Variants in GAMT observed in about 807,000 individuals in gnomAD.
The protein encoded by GAMT is epididymis secretory protein Li 20.
GAMT carries 26 observed loss-of-function variants against 26.9 expected under a neutral mutation model. That is an observed-to-expected ratio of 0.97 (90% CI 0.71 to 1.34). GAMT has a LOEUF of 1.34. Ranked by LOEUF, GAMT falls within the 40% of genes most tolerant of loss-of-function variation. The pLI, the probability that GAMT is intolerant of heterozygous loss-of-function variation, is 0.00. For synonymous variants in GAMT, 169 were observed against 149.6 expected (o/e 1.13, Z -0.95); for missense variants, 412 against 345.0 (o/e 1.19, Z -1.54).
Position 1,399,997 on chromosome 19 carries a change from G to A in GAMT, c.182-59C>T. The A allele has an allele frequency of 1.3e-6, 2 of 1,560,184 alleles. No individual in the cohort carries two copies. Among genetic ancestry groups the A allele is most frequent in the South Asian group, 1.2e-5 (1 of 86,118 alleles). Reference sequence around the variant, plus strand: ...TGGGGCGGGCTTAGGAGGCTGCCTGGAGGAGGGGCACAGGGCAGGGCAGGG... The same window carrying A: ...TGGGGCGGGCTTAGGAGGCTGCCTGAAGGAGGGGCACAGGGCAGGGCAGGG... On this transcript the variant is annotated intron_variant, in intron 1 of 5. Transcript: ENST00000252288. This position sits in a 1 kb window ranked among gnomAD's most constrained non-coding sequence, Gnocchi z 6.2.
chr19:1,401,404 C>T lies in GAMT; in HGVS notation c.73G>A (p.Ala25Thr). Residue 25 changes from alanine (A) to threonine (T), a missense_variant, in exon 1 of 6, where the codon GCG becomes ACG. By Grantham distance (58) the Ala-to-Thr change is moderately conservative. Coordinates refer to ENST00000252288, the MANE Select transcript of GAMT (RefSeq NM_000156.6). Reference protein sequence around the residue: ...NCSPAWGAAPAAYDAADTHLR... With the variant: ...NCSPAWGAAPTAYDAADTHLR... Reference sequence around the variant, plus strand: ...TGCGTGTCCGCTGCGTCGTAGGCCGCGGGCGCCGCCCCCCACGCGGGGCTG... The same window carrying T: ...TGCGTGTCCGCTGCGTCGTAGGCCGTGGGCGCCGCCCCCCACGCGGGGCTG... The T allele has an allele frequency of 6.9e-7, 1 of 1,456,408 alleles. No individual in the cohort carries two copies. The highest frequency in any genetic ancestry group is 9.0e-7 in the Non-Finnish European group (1 of 1,107,168). The allele number at this position is 1,456,408 out of a possible 1,614,324, so 90.2% of individuals were successfully genotyped here. A position where few individuals can be genotyped will look rare whatever the true frequency, so the allele number is the denominator to read the frequency against.
chr19:1,397,740 C>T (rs772276087), intron 5 of GAMT: 39 of 1,406,044 alleles, frequency 2.8e-5, no homozygotes, highest in South Asian at 4.5e-5. Context: ...GAGCCACCCC[C>T]GGGCACCTAC....
Position 1,401,413 on chromosome 19 carries a change from C to T in GAMT, c.64G>A (p.Ala22Thr), listed in dbSNP as rs886054248. Residue 22 changes from alanine to threonine, a missense_variant, in exon 1 of 6, where the codon GCG (alanine) becomes ACG (threonine). Coordinates refer to ENST00000252288, the MANE Select transcript of GAMT (RefSeq NM_000156.6). ...PGENCSPAWG[A>T]APAAYDAADT... ...GCTGCGTCGTAGGCCGCGGGCGCCG[C>T]CCCCCACGCGGGGCTGCAGTTCTCG... The T allele has an allele frequency of 6.9e-6, 10 of 1,450,372 alleles. No homozygotes were observed. Among genetic ancestry groups the T allele is most frequent in the East Asian group, 3.0e-5 (1 of 33,408 alleles). 89.8% of individuals were successfully genotyped at this position (1,450,372 alleles called of 1,614,324 possible).
intron 5 of GAMT, 120 bp downstream of exon 5, chr19:1,398,796 G>A (rs375165823): frequency 4.5e-6 from 7 of 1,555,242 alleles, no homozygotes; most frequent in Admixed American, 3.9e-5. Context: ...GCACAGTCCA[G>A]CCCACCCAGG....
At chr19:1,397,752 C>T (rs2082609130) in intron 5 of GAMT, 5 of 1,396,022 alleles carry the variant, frequency 3.6e-6, no homozygotes, top group Non-Finnish European at 4.7e-6. Context: ...GGCACCTACT[C>T]CACAGTTCTC....
chr19:1,399,585 G>A lies in GAMT; in HGVS notation c.330C>T (p.Val110=), dbSNP rs1379445616. 6.2e-7 allele frequency: 1 copy of A among 1,612,306 alleles called. No individual in the cohort carries two copies. Residue 110 remains valine (V), a splice_region_variant and synonymous_variant, in exon 3 of 6, where the codon GTC becomes GTT. Transcript: ENST00000252288. This position sits in a 1 kb window ranked among gnomAD's most constrained non-coding sequence, Gnocchi z 6.2. ...CCTCCCACAGGCCTTTCAAGGGGAT[G>A]ACCTTGCAGAGGGGAAAAGAAAAAG... The part of the protein sequence containing the change: ...RDWAPRQTHK[V]IPLKGLWEDV...
At position 1,399,287 on chromosome 19, in the gene GAMT, G is replaced by C; in HGVS notation, c.392-92C>G. On this transcript the variant is annotated intron_variant, in intron 3 of 5. Coordinates refer to ENST00000252288, the MANE Select transcript of GAMT (RefSeq NM_000156.6). The surrounding 1 kb of genome is among the most constrained non-coding windows in gnomAD (Gnocchi z 6.2). Reference sequence around the variant, plus strand: ...TCATCCCCCAGCGGGTGGAGGTGCAGTGAGACGGGGCCGTGGGTAGAGGTG... The same window carrying C: ...TCATCCCCCAGCGGGTGGAGGTGCACTGAGACGGGGCCGTGGGTAGAGGTG... 1 of 1,410,706 alleles carries C rather than the reference G, an allele frequency of 7.1e-7. No homozygotes were observed. Among genetic ancestry groups the C allele is most frequent in the Non-Finnish European group, 1.0e-6 (1 of 997,464 alleles). 87.4% of individuals were successfully genotyped at this position (1,410,706 alleles called of 1,614,324 possible).
rs1161834292 is a variant in GAMT, at chr19:1,397,082, C to T, written c.*277G>A. On this transcript the variant is annotated 3_prime_UTR_variant, in exon 6 of 6. Coordinates refer to ENST00000252288, the MANE Select transcript of GAMT (RefSeq NM_000156.6). ...GGGAGCAGCCGCTGGAAGTAACAGT[C>T]GCACGCTCACTGCCGACTGGCCAAG... The T allele has an allele frequency of 6.4e-6, 3 of 470,056 alleles. No homozygotes were observed. The highest frequency in any genetic ancestry group is 1.2e-5 in the Non-Finnish European group (3 of 256,910). The allele number at this position is 470,056 out of a possible 1,614,324, so 29.1% of individuals were successfully genotyped here.
In GAMT at chr19:1,398,994, G is replaced by A. The variant is rs1555777026; in HGVS notation, c.492C>T (p.Gly164=). ...AGGTGAGGTTGCAGTAGGTGAGGACGCCCCCCGGCTTCAGCAGGCGAAAGG... is the reference window on the plus strand; with the variant it reads ...AGGTGAGGTTGCAGTAGGTGAGGACACCCCCCGGCTTCAGCAGGCGAAAGG... The part of the protein sequence containing the change: ...NHAFRLLKPG[G]VLTYCNLTSW... The change falls in exon 5 of 6, where the codon GGC becomes GGT. Residue 164 remains glycine (G), a synonymous_variant. Transcript: ENST00000252288. The A allele has an allele frequency of 8.1e-6, 13 of 1,613,314 alleles. No individual in the cohort carries two copies. The highest frequency in any genetic ancestry group is 4.0e-5 in the African/African-American group (3 of 74,914).
In GAMT at chr19:1,401,424, G is replaced by T; in HGVS notation, c.53C>A (p.Pro18His). 1 of 1,437,702 alleles carries T rather than the reference G, an allele frequency of 7.0e-7. No homozygotes were observed. The highest frequency in any genetic ancestry group is 3.0e-5 in the East Asian group (1 of 33,086). The allele number at this position is 1,437,702 out of a possible 1,614,324, so 89.1% of individuals were successfully genotyped here. The change falls in exon 1 of 6, where the codon CCC (proline) becomes CAC (histidine). Residue 18 changes from proline to histidine, a missense_variant. Coordinates refer to ENST00000252288, the MANE Select transcript of GAMT (RefSeq NM_000156.6). The part of the protein sequence containing the change: ...PIFAPGENCS[P>H]AWGAAPAAYD... ...GGCCGCGGGCGCCGCCCCCCACGCG[G>T]GGCTGCAGTTCTCGCCGGGCGCGAA...
chr19:1,399,202 G>A lies in GAMT; in HGVS notation c.392-7C>T, dbSNP rs192416474. ...TACGTGTCGTACAGGATCCCTGCAC[G>A]GAGAACAGAAGCCCACGCGGTCAGG... On this transcript the variant is annotated splice_polypyrimidine_tract_variant and splice_region_variant and intron_variant, in intron 3 of 5. Coordinates refer to ENST00000252288, the MANE Select transcript of GAMT (RefSeq NM_000156.6). The surrounding 1 kb of genome is among the most constrained non-coding windows in gnomAD (Gnocchi z 6.2). 4.8e-4 allele frequency: 780 copies of A among 1,613,412 alleles called. 9 individuals are homozygous for A. Among genetic ancestry groups the A allele is most frequent in the African/African-American group, 4.7e-3 (354 of 75,026 alleles).
rs539103512 is a variant in GAMT at position 1,397,339 on chromosome 19, G to T, written c.*20C>A. On this transcript the variant is annotated 3_prime_UTR_variant, in exon 6 of 6. Coordinates refer to ENST00000252288, the MANE Select transcript of GAMT (RefSeq NM_000156.6). ...AAGGCACGGAGGAGGGCATGGGTGT[G>T]GCCGGGCCGGGGTGGGGGCTCAGCC... The T allele has an allele frequency of 1.9e-5, 31 of 1,602,122 alleles. No homozygotes were observed. The South Asian group carries it at 3.4e-4, about 18-fold the overall frequency.
Position 1,399,340 on chromosome 19 carries a change from G to A in GAMT, c.392-145C>T, listed in dbSNP as rs2082619705. 23 of 1,093,898 alleles carry A rather than the reference G, an allele frequency of 2.1e-5. No homozygotes were observed. Among genetic ancestry groups the A allele is most frequent in the Non-Finnish European group, 3.0e-5 (22 of 728,950 alleles). 67.8% of individuals were successfully genotyped at this position (1,093,898 alleles called of 1,614,324 possible). ...GCTCCCACACAGGCTTGAGAACCCCGAGATCGCCTCCAGGGCCCCTCCGTG... is the reference window on the plus strand; with the variant it reads ...GCTCCCACACAGGCTTGAGAACCCCAAGATCGCCTCCAGGGCCCCTCCGTG... On this transcript the variant is annotated intron_variant, in intron 3 of 5. Transcript: ENST00000252288. The surrounding 1 kb of genome is among the most constrained non-coding windows in gnomAD (Gnocchi z 6.2).
At position 1,397,729 on chromosome 19, in the gene GAMT, C is replaced by G. The variant is rs1036300977; in HGVS notation, c.571-230G>C. On this transcript the variant is annotated intron_variant, in intron 5 of 5. Transcript: ENST00000252288. ...TGTCCTGGAACCCCAGCCCCACACTCGAGCCACCCCCGGGCACCTACTCCA... is the reference window on the plus strand; with the variant it reads ...TGTCCTGGAACCCCAGCCCCACACTGGAGCCACCCCCGGGCACCTACTCCA... 13 of 1,411,962 alleles carry G rather than the reference C, an allele frequency of 9.2e-6. No individual in the cohort carries two copies. In the East Asian group the frequency reaches 2.8e-4, roughly 31 times the overall value. The allele number at this position is 1,411,962 out of a possible 1,614,324, so 87.5% of individuals were successfully genotyped here. A position where few individuals can be genotyped will look rare whatever the true frequency, so the allele number is the denominator to read the frequency against.
In GAMT at chr19:1,398,899, A is replaced by G. The variant is rs762158709; in HGVS notation, c.570+17T>C. 1.9e-6 allele frequency: 3 copies of G among 1,613,136 alleles called. No homozygotes were observed. Among genetic ancestry groups the G allele is most frequent in the East Asian group, 2.2e-5 (1 of 44,880 alleles). ...GTCACTTCCTGGAGACCCATGGGGA[A>G]CTTCAGGTGGGCGCACCTCAAACAT... On this transcript the variant is annotated intron_variant, in intron 5 of 5. Transcript: ENST00000252288.
At position 1,399,901 on chromosome 19, in the gene GAMT, G is replaced by A. The variant is rs1417220310; in HGVS notation, c.219C>T (p.Ile73=). 18 of 1,608,706 alleles carry A rather than the reference G, an allele frequency of 1.1e-5. No homozygotes were observed. The African/African-American group carries it at 1.3e-4, about 12-fold the overall frequency. Residue 73 remains isoleucine (I), a synonymous_variant, in exon 2 of 6, where the codon ATC becomes ATT. Transcript: ENST00000252288. This position sits in a 1 kb window ranked among gnomAD's most constrained non-coding sequence, Gnocchi z 6.2. ...RVLEVGFGMA[I]AASKVQEAPI... Reference sequence around the variant, plus strand: ...GCGCCTCCTGCACCTTTGACGCTGCGATGGCCATGCCAAAGCCCACCTCCA... The same window carrying A: ...GCGCCTCCTGCACCTTTGACGCTGCAATGGCCATGCCAAAGCCCACCTCCA...
chr19:1,397,738 C>G (rs1050123252), intron 5 of GAMT: 1 of 1,409,270 alleles, frequency 7.1e-7, no homozygotes, highest in African/African-American at 1.4e-5. Flanking sequence ...TCGAGCCACC[C>G]CCGGGCACCT....
chr19:1,399,793 C>T lies in GAMT; in HGVS notation c.327G>A (p.Lys109=), dbSNP rs80338735. 4.5e-4 allele frequency: 706 copies of T among 1,562,540 alleles called. No individual in the cohort carries two copies. Among genetic ancestry groups the T allele is most frequent in the Non-Finnish European group, 6.0e-4 (688 of 1,154,402 alleles). ...GGAGGGCCTGCGGGCAGAGGGGCAC[C>T]TTGTGTGTCTGCCGTGGGGCCCAGT... ...LRDWAPRQTH[K]VIPLKGLWED... The change falls in exon 2 of 6, where the codon AAG becomes AAA. Residue 109 remains lysine (K), a splice_region_variant and synonymous_variant. Coordinates refer to ENST00000252288, the MANE Select transcript of GAMT (RefSeq NM_000156.6). The surrounding 1 kb of genome is among the most constrained non-coding windows in gnomAD (Gnocchi z 6.2).
At position 1,399,785 on chromosome 19, in the gene GAMT, AG is replaced by A; in HGVS notation, c.327+7del. On this transcript the variant is annotated splice_region_variant and intron_variant, in intron 2 of 5. Transcript: ENST00000252288. This position sits in a 1 kb window ranked among gnomAD's most constrained non-coding sequence, Gnocchi z 6.2. ...GGGGTCCTGGAGGGCCTGCGGGCAG[AG>A]GGGCACCTTGTGTGTCTGCCGTGGG... 6.4e-7 allele frequency: 1 copy of A among 1,557,246 alleles called. No homozygotes were observed.
Sources: allele counts gnomAD v4.1 joint callset, GRCh38; gene constraint gnomAD v4.1.1; non-coding constraint Gnocchi (gnomAD v3.1); transcripts MANE v1.5; gene names NCBI Gene and HGNC (gene_info 2026-07-23, HGNC 2026-07-21).